Variants in RRP12 observed in about 807,000 individuals in gnomAD.
The protein encoded by RRP12 is RRP12-like protein.
Under a neutral mutation model 157.3 loss-of-function variants are expected in RRP12, and 78 were observed. The ratio of observed to expected loss-of-function variants is 0.50; its 90% CI spans 0.41 to 0.60. The LOEUF is 0.60. RRP12 is among the 20% of genes least tolerant of loss of function. The pLI is 0.00. For synonymous variants in RRP12, 726 were observed against 670.9 expected, an observed-to-expected ratio of 1.08 and a Z score of -1.27; for missense variants, 1,521 against 1,679.9, an observed-to-expected ratio of 0.91 and a Z score of 1.65.
intron 4 of RRP12, among the ~76,000 whole-genome samples, chr10:97,392,805 C>A (rs1464951071): frequency 6.6e-6 from 1 of 151,998 alleles, no homozygotes; most frequent in Non-Finnish European, 1.5e-5. Context: ...AATTCTCCTG[C>A]CTCAGCCTCC....
At position 97,386,872 on chromosome 10, in the gene RRP12, C is replaced by T. The variant is rs1052340203; in HGVS notation, c.1018-879G>A. On this transcript the variant is annotated intron_variant, in intron 8 of 33. Transcript: ENST00000370992. ...AGGTGTGGTGGCGGGCGCCTGTAGT[C>T]CCAGCTACTCGGGAGGCTGAGGCAG... Among the ~76,000 whole-genome samples the T allele has an allele frequency of 3.3e-5, 5 of 152,076 alleles. 1 individual carries two copies. Among genetic ancestry groups the T allele is most frequent in the African/African-American group, 1.2e-4 (5 of 41,400 alleles).
chr10:97,373,715 A>C lies in RRP12; in HGVS notation c.1886T>G (p.Phe629Cys). 1 of 1,613,428 alleles carries C rather than the reference A, an allele frequency of 6.2e-7. No homozygotes were observed. The highest frequency in any genetic ancestry group is 8.5e-7 in the Non-Finnish European group (1 of 1,179,452). The change falls in exon 17 of 34, where the codon TTC (phenylalanine) becomes TGC (cysteine). Residue 629 changes from phenylalanine to cysteine, a missense_variant. Phe to Cys is a radical substitution (Grantham distance 205). Coordinates refer to ENST00000370992, the MANE Select transcript of RRP12 (RefSeq NM_015179.4). ...QWQMWTLLPG[F>C]CTRPTDVAIS... ...GGCCACATCTGTAGGCCTTGTGCAG[A>C]ACCCAGGCAGGAGTGTCCACATCTG... is the stretch of plus-strand genomic sequence containing the variant.
Position 97,366,550 on chromosome 10 carries a change from T to C in RRP12, c.3287A>G (p.Glu1096Gly). Reference sequence around the variant, plus strand: ...CCTCTGTCGTGCCAGCTTCCGCTGCTCCTTGCCTCGGCTTCTTTCCTCCTC... The same window carrying C: ...CCTCTGTCGTGCCAGCTTCCGCTGCCCCTTGCCTCGGCTTCTTTCCTCCTC... ...NEEEERSRGK[E>G]QRKLARQRSR... Residue 1096 changes from glutamate (E) to glycine (G), a missense_variant, in exon 28 of 34, where the codon GAG becomes GGG. By Grantham distance (98) the Glu-to-Gly change is moderately conservative (BLOSUM62 -2). Coordinates refer to ENST00000370992, the MANE Select transcript of RRP12 (RefSeq NM_015179.4). 6.2e-7 allele frequency: 1 copy of C among 1,614,160 alleles called. No homozygotes were observed. The highest frequency in any genetic ancestry group is 1.1e-5 in the South Asian group (1 of 91,086).
chr10:97,379,307 G>T lies in RRP12; in HGVS notation c.1784C>A (p.Thr595Asn), dbSNP rs141062636. 1.9e-4 allele frequency: 307 copies of T among 1,613,952 alleles called. 1 individual carries two copies. The highest frequency in any genetic ancestry group is 3.3e-4 in the Middle Eastern group (2 of 6,084). Residue 595 changes from threonine (T) to asparagine (N), a missense_variant, in exon 15 of 34, where the codon ACC becomes AAC. Physicochemically the swap from Thr to Asn is moderately conservative, Grantham distance 65. Coordinates refer to ENST00000370992, the MANE Select transcript of RRP12 (RefSeq NM_015179.4). ...GTCTCTCCTACCTTTGCTCTTCAGG[G>T]TGTTAGCCAGGGGCAAGAAGTAGGT... ...FTTYFLPLAN[T>N]LKSKAMDLAQ...
At chr10:97,372,308 A>G (rs1209343961) in intron 19 of RRP12, 142 bp from the exon 20 acceptor site, 3 of 598,182 alleles carry the variant, frequency 5.0e-6, no homozygotes, top group African/African-American at 3.7e-5. Flanking sequence ...ATGAACAATA[A>G]TAATAGCTAG....
At position 97,363,738 on chromosome 10, in the gene RRP12, C is replaced by T. The variant is rs1464992167; in HGVS notation, c.3567+116G>A. 6 of 933,794 alleles carry T rather than the reference C, an allele frequency of 6.4e-6. No individual in the cohort carries two copies. In the African/African-American group the frequency reaches 8.1e-5, roughly 13 times the overall value. 57.8% of individuals were successfully genotyped at this position (933,794 alleles called of 1,614,324 possible). A position where few individuals can be genotyped will look rare whatever the true frequency, so the allele number is the denominator to read the frequency against. On this transcript the variant is annotated intron_variant, in intron 30 of 33. Transcript: ENST00000370992. The stretch of plus-strand genomic sequence containing the variant: ...CCTGCTATGCACACCTGTGAGGATG[C>T]ACCGAGCATTCCAGAAACAGGGCAG...
rs200344073 is a variant in RRP12, at chr10:97,385,268, G to A, written c.1117-11C>T. The A allele has an allele frequency of 7.0e-4, 1,130 of 1,605,552 alleles. 3 individuals are homozygous for A. Among genetic ancestry groups the A allele is most frequent in the Non-Finnish European group, 8.8e-4 (1,033 of 1,172,440 alleles). On this transcript the variant is annotated splice_polypyrimidine_tract_variant and intron_variant, in intron 9 of 33. Transcript: ENST00000370992. ...ATAGTCGTACAGGGCCTAAAAGTGG[G>A]AATAAGCAGGTGACTGAGCATGCAG...
At chr10:97,398,034 TACG>T (rs1564772568) in intron 2 of RRP12, among the ~76,000 whole-genome samples, 14 of 86,432 alleles carry the variant, frequency 1.6e-4, no homozygotes, top group African/African-American at 7.8e-4. Flanking sequence ...TATATATATA[TACG>T]TATTTTTTTT....
chr10:97,365,786 G>T, intron 29 of RRP12: 1 of 249,068 alleles, frequency 4.0e-6, no homozygotes, highest in Admixed American at 5.9e-5. Flanking sequence ...AAAAAAAGAG[G>T]AAGGAAGAAA....
At chr10:97,373,788 CCT>C (rs750308997) in intron 16 of RRP12, 40 bp downstream of exon 16, 11 of 1,613,304 alleles carry the variant, frequency 6.8e-6, no homozygotes, top group Admixed American at 5.0e-5. Context: ...CACCTGTGCC[CCT>C]GTGTGCTTCT....
At chr10:97,381,133 G>A (rs1844455574) in intron 12 of RRP12, among the ~76,000 whole-genome samples, 1 of 152,208 alleles carries the variant, frequency 6.6e-6, no homozygotes, top group African/African-American at 2.4e-5. Context: ...AAAAACCAAT[G>A]AGGTAGTTAT....
rs375585969 is a variant in RRP12 at position 97,390,442 on chromosome 10, G to A, written c.734C>T (p.Thr245Met). Reference sequence around the variant, plus strand: ...TCTCACCTTGGGCTTGGGATGCACCGTGAAGCTCAGCAGCCCATGGTACAC... The same window carrying A: ...TCTCACCTTGGGCTTGGGATGCACCATGAAGCTCAGCAGCCCATGGTACAC... Reference protein sequence around the residue: ...LQVYHGLLSFTVHPKPKIRKA... With the variant: ...LQVYHGLLSFMVHPKPKIRKA... The change falls in exon 6 of 34, where the codon ACG becomes ATG. Residue 245 changes from threonine to methionine, a missense_variant. Physicochemically the swap from Thr to Met is moderately conservative, Grantham distance 81. Transcript: ENST00000370992. 72 of 1,613,596 alleles carry A rather than the reference G, an allele frequency of 4.5e-5. No homozygotes were observed. The East Asian group carries it at 8.0e-4, about 18-fold the overall frequency.
chr10:97,367,789 T>G (rs1041538117), intron 25 of RRP12, among the ~76,000 whole-genome samples: 1 of 152,212 alleles, frequency 6.6e-6, no homozygotes, highest in Non-Finnish European at 1.5e-5. Context: ...TGGAGTGCAA[T>G]GGCACGATCT....
At chr10:97,367,233 G>T (rs889383883) in intron 25 of RRP12, 101 bp from the exon 26 acceptor site, 2 of 1,017,724 alleles carry the variant, frequency 2.0e-6, no homozygotes, top group Non-Finnish European at 3.0e-6. Context: ...AAGCCCAGCT[G>T]AGGGGAGGGT....
intron 29 of RRP12, 51 bp downstream of exon 29, chr10:97,366,057 C>G (rs777221014): frequency 6.3e-7 from 1 of 1,598,618 alleles, no homozygotes; most frequent in Non-Finnish European, 8.5e-7. Flanking sequence ...AAGTGATCAC[C>G]GAAGGAATAA....
At chr10:97,372,261 AG>A in intron 19 of RRP12, 95 bp from the exon 20 acceptor site, 1 of 892,214 alleles carries the variant, frequency 1.1e-6, no homozygotes, top group South Asian at 1.6e-5. Context: ...GGGAGGTGGG[AG>A]AAGTCAGGGT....
intron 20 of RRP12, 141 bp from the exon 21 acceptor site, chr10:97,371,222 T>C (rs1844144610): frequency 3.4e-6 from 3 of 895,046 alleles, no homozygotes; most frequent in South Asian, 3.5e-5. Context: ...CAGTGGAATG[T>C]GGACAGCGAG....
At chr10:97,386,861 G>A (rs1159952324) in intron 8 of RRP12, among the ~76,000 whole-genome samples, 2 of 152,064 alleles carry the variant, frequency 1.3e-5, no homozygotes, top group Admixed American at 6.6e-5. Flanking sequence ...GTGGTGGCGG[G>A]CGCCTGTAGT....
At chr10:97,394,537 G>A (rs1185738631) in intron 3 of RRP12, among the ~76,000 whole-genome samples, 1 of 152,048 alleles carries the variant, frequency 6.6e-6, no homozygotes, top group Non-Finnish European at 1.5e-5. Context: ...CTACAGGCAT[G>A]CGCCACAAAG....
Sources: allele counts gnomAD v4.1 joint callset (sites outside exome capture counted in the v4.1 genomes callset), GRCh38; gene constraint gnomAD v4.1.1; transcripts MANE v1.5; gene names NCBI Gene and HGNC (gene_info 2026-07-23, HGNC 2026-07-21).